FOCAD: variants seen among roughly 807,000 people sequenced by gnomAD.
FOCAD encodes the protein KIAA1797.
In FOCAD, 198 loss-of-function variants were observed where a neutral mutation model predicts 225.6. The ratio of observed to expected loss-of-function variants is 0.88; its 90% CI spans 0.78 to 0.99. The LOEUF (loss-of-function observed/expected upper bound fraction) is 0.99. FOCAD is among the 50% of genes least tolerant of loss of function. The pLI is 0.00. For missense variants in FOCAD, 2,713 were observed against 2,123.6 expected, an observed-to-expected ratio of 1.28 and a Z score of -5.46; for synonymous variants, 897 against 755.0, an observed-to-expected ratio of 1.19 and a Z score of -3.08.
intron 15 of FOCAD, among the ~76,000 whole-genome samples, chr9:20,858,821 T>C (rs1828476125): frequency 1.7e-5 from 2 of 120,776 alleles, no homozygotes; most frequent in Non-Finnish European, 3.5e-5. Context: ...TTTTTCACTT[T>C]GCTTTTTAAT....
intron 28 of FOCAD, among the ~76,000 whole-genome samples, chr9:20,941,945 T>C (rs16938223): frequency 0.017 from 2,658 of 152,234 alleles, 60 homozygotes; most frequent in African/African-American, 0.059. Flanking sequence ...TGGGGGAACA[T>C]TTTAAGACTT....
At chr9:20,864,024 T>C (rs1829016543) in intron 16 of FOCAD, among the ~76,000 whole-genome samples, 1 of 152,050 alleles carries the variant, frequency 6.6e-6, no homozygotes, top group African/African-American at 2.4e-5. Context: ...GACGGACTGC[T>C]TTGGGGCCGT....
chr9:20,953,385 T>C (rs1393878828), intron 35 of FOCAD, among the ~76,000 whole-genome samples: 2 of 152,220 alleles, frequency 1.3e-5, no homozygotes, highest in East Asian at 3.8e-4. Flanking sequence ...GTGAGTGTGA[T>C]CTAGAAAGAG....
chr9:20,757,136 T>G (rs1431392262), intron 5 of FOCAD, among the ~76,000 whole-genome samples: 1 of 152,092 alleles, frequency 6.6e-6, no homozygotes, highest in African/African-American at 2.4e-5. Context: ...TCCATGTTGG[T>G]CAGGCTGGTC....
intron 2 of FOCAD, chr9:20,716,039 G>T: frequency 5.3e-6 from 2 of 374,380 alleles, no homozygotes; most frequent in Admixed American, 4.1e-5. Context: ...CCATCTTGAA[G>T]ACTTAACAAC....
At chr9:20,961,653 T>C (rs1273728830) in intron 35 of FOCAD, among the ~76,000 whole-genome samples, 1 of 152,170 alleles carries the variant, frequency 6.6e-6, no homozygotes, top group South Asian at 2.1e-4. Context: ...CAATCTGTCT[T>C]TCTTTTTGTA....
chr9:20,682,624 T>C (rs1009463866), upstream of FOCAD, among the ~76,000 whole-genome samples: 2 of 152,124 alleles, frequency 1.3e-5, no homozygotes, highest in Admixed American at 1.3e-4. Context: ...AGAAAAAATA[T>C]TAAAATAGTC....
At chr9:20,906,546 C>T (rs1832994887) in intron 21 of FOCAD, among the ~76,000 whole-genome samples, 1 of 152,008 alleles carries the variant, frequency 6.6e-6, no homozygotes, top group Non-Finnish European at 1.5e-5. Flanking sequence ...GTCTGGGCCT[C>T]TGTTGAGAAA....
intron 26 of FOCAD, among the ~76,000 whole-genome samples, chr9:20,928,216 C>T (rs1401528228): frequency 6.6e-6 from 1 of 152,066 alleles, no homozygotes; most frequent in Non-Finnish European, 1.5e-5. Flanking sequence ...CTAGTCAGCT[C>T]TGATTGTCTC....
At chr9:20,789,203 G>A (rs902233446) in intron 10 of FOCAD, 148 bp from the exon 11 acceptor site, 5 of 826,594 alleles carry the variant, frequency 6.0e-6, no homozygotes, top group South Asian at 5.3e-5. Context: ...TCAAATATGT[G>A]CAGAGAGGAT....
At chr9:20,946,225 C>G (rs906619047) in intron 29 of FOCAD, among the ~76,000 whole-genome samples, 4 of 152,156 alleles carry the variant, frequency 2.6e-5, no homozygotes, top group Non-Finnish European at 5.9e-5. Flanking sequence ...TCCAGTTATG[C>G]TCCACTACTT....
upstream of FOCAD, among the ~76,000 whole-genome samples, chr9:20,681,723 C>T (rs1822402783): frequency 6.6e-6 from 1 of 152,168 alleles, no homozygotes; most frequent in Non-Finnish European, 1.5e-5. Flanking sequence ...CCTGGTATAG[C>T]ATTAGATTAA....
At chr9:20,841,206 T>A (rs1826489727) in intron 15 of FOCAD, among the ~76,000 whole-genome samples, 2 of 151,988 alleles carry the variant, frequency 1.3e-5, no homozygotes, top group South Asian at 4.1e-4. Context: ...TGTTTATCTT[T>A]TCTGATTTTG....
At chr9:20,804,161 G>A (rs908413486) in intron 11 of FOCAD, among the ~76,000 whole-genome samples, 1 of 152,024 alleles carries the variant, frequency 6.6e-6, no homozygotes, top group African/African-American at 2.4e-5. Flanking sequence ...ACAAGTAGAA[G>A]TCTCAAAATT....
chr9:20,942,478 T>A lies in FOCAD; in HGVS notation c.3408-2149T>A, dbSNP rs141222228. Among the ~76,000 whole-genome samples, 976 of 152,350 alleles carry A rather than the reference T, an allele frequency of 6.4e-3. 11 individuals carry two copies. Among genetic ancestry groups the A allele is most frequent in the African/African-American group, 0.023 (950 of 41,570 alleles). On this transcript the variant is annotated intron_variant, in intron 28 of 43. Transcript: ENST00000338382. The stretch of plus-strand genomic sequence containing the variant: ...AATATTCCTCTTTCTGAAATTAGTC[T>A]GGCAAGAAACAGAAACTGAATTTTC...
At chr9:20,758,411 A>G (rs1263403795) in intron 6 of FOCAD, among the ~76,000 whole-genome samples, 1 of 151,926 alleles carries the variant, frequency 6.6e-6, no homozygotes, top group Non-Finnish European at 1.5e-5. Flanking sequence ...CATGTGCACA[A>G]TGTGCAGGTA....
chr9:20,825,941 C>T (rs1278521176), intron 15 of FOCAD, among the ~76,000 whole-genome samples: 1 of 151,924 alleles, frequency 6.6e-6, no homozygotes. Flanking sequence ...TCTTGGCTGA[C>T]CATAAAGGCA....
At chr9:20,823,873 G>A (rs541414709) in intron 15 of FOCAD, among the ~76,000 whole-genome samples, 2 of 152,082 alleles carry the variant, frequency 1.3e-5, no homozygotes, top group Non-Finnish European at 2.9e-5. Context: ...TTATGCTCGT[G>A]TCCTTGGGCT....
Position 20,819,889 on chromosome 9 carries a change from G to C in FOCAD, c.1549G>C (p.Gly517Arg). The stretch of plus-strand genomic sequence containing the variant: ...TATATTGTATACTTTACCTAAGCTT[G>C]GTGTTCACAAGGTTAGTATGTTAAT... Reference protein sequence around the residue: ...NDILYTLPKLGVHKVCIGQIL... With the variant: ...NDILYTLPKLRVHKVCIGQIL... The change falls in exon 12 of 44, where the codon GGT (glycine) becomes CGT (arginine). Residue 517 changes from glycine (G) to arginine (R), a missense_variant. Transcript: ENST00000338382. The C allele has an allele frequency of 6.6e-7, 1 of 1,526,604 alleles. No homozygotes were observed. The highest frequency in any genetic ancestry group is 1.3e-5 in the South Asian group (1 of 75,950). 94.6% of individuals were successfully genotyped at this position (1,526,604 alleles called of 1,614,324 possible). A position where few individuals can be genotyped will look rare whatever the true frequency, so the allele number is the denominator to read the frequency against.
Sources: allele counts gnomAD v4.1 joint callset (sites outside exome capture counted in the v4.1 genomes callset), GRCh38; gene constraint gnomAD v4.1.1; transcripts MANE v1.5; gene names NCBI Gene and HGNC (gene_info 2026-07-23, HGNC 2026-07-21).